The following SOX18 variants were observed in gnomAD, a reference collection of about 807,000 sequenced individuals.
The protein encoded by SOX18 is transcription factor SOX-18.
In SOX18, 2 loss-of-function variants were observed where a neutral mutation model predicts 9.1. The observed-to-expected ratio is 0.22, with a 90% CI of 0.09 to 0.69. The LOEUF (loss-of-function observed/expected upper bound fraction) is 0.69, where lower values mean the gene tolerates loss of function less well. Ranked by LOEUF, SOX18 falls within the 30% of genes least tolerant of loss-of-function variation. The pLI, the probability that SOX18 is intolerant of heterozygous loss-of-function variation, is 0.80. For synonymous variants in SOX18, 292 were observed against 280.5 expected, an observed-to-expected ratio of 1.04 and a Z score of -0.41; for missense variants, 542 against 567.3, an observed-to-expected ratio of 0.96 and a Z score of 0.45.
rs751301709 is a variant in SOX18, at chr20:64,048,468, C to T, written c.853G>A (p.Gly285Ser). ...TACGGGCCGGGCGTGCCCAGGGTGC[C>T]GTAGTACAGGCCAGCGAGCGGCGCC... The part of the protein sequence containing the change: ...PAAPLAGLYY[G>S]TLGTPGPYPG... Residue 285 changes from glycine to serine, a missense_variant, in exon 2 of 2, where the codon GGC becomes AGC. Gly to Ser is a moderately conservative substitution (Grantham distance 56). Coordinates refer to ENST00000340356, the MANE Select transcript of SOX18 (RefSeq NM_018419.3). The T allele has an allele frequency of 8.5e-5, 111 of 1,299,774 alleles. No individual in the cohort carries two copies. The highest frequency in any genetic ancestry group is 1.0e-4 in the Non-Finnish European group (108 of 1,032,096). 80.5% of individuals were successfully genotyped at this position (1,299,774 alleles called of 1,614,324 possible).
Position 64,048,085 on chromosome 20 carries a change from G to T in SOX18, c.*81C>A. ...ACCAAACATACACGCGTATGAGAGA[G>T]CAGAGCGGCAGCGACGCGGTCGGAT... On this transcript the variant is annotated 3_prime_UTR_variant, in exon 2 of 2. Coordinates refer to ENST00000340356, the MANE Select transcript of SOX18 (RefSeq NM_018419.3). 1 of 1,299,578 alleles carries T rather than the reference G, an allele frequency of 7.7e-7. No homozygotes were observed. The highest frequency in any genetic ancestry group is 1.1e-6 in the Non-Finnish European group (1 of 934,104). 80.5% of individuals were successfully genotyped at this position (1,299,578 alleles called of 1,614,324 possible). A position where few individuals can be genotyped will look rare whatever the true frequency, so the allele number is the denominator to read the frequency against.
rs772645789 is a variant in SOX18 at position 64,048,826 on chromosome 20, G to A, written c.495C>T (p.Ala165=). Residue 165 remains alanine, a synonymous_variant, in exon 2 of 2, where the codon GCC becomes GCT. Transcript: ENST00000340356. ...RPRRKKQARK[A]RRLEPGLLLP... Reference sequence around the variant, plus strand: ...GCAGGAGGCCGGGCTCCAGCCGCCGGGCCTTGCGCGCCTGCTTCTTGCGGC... The same window carrying A: ...GCAGGAGGCCGGGCTCCAGCCGCCGAGCCTTGCGCGCCTGCTTCTTGCGGC... 4.5e-6 allele frequency: 7 copies of A among 1,569,684 alleles called. No individual in the cohort carries two copies. Among genetic ancestry groups the A allele is most frequent in the Non-Finnish European group, 6.0e-6 (7 of 1,165,712 alleles).
chr20:64,048,405 G>T lies in SOX18; in HGVS notation c.916C>A (p.Leu306Met). ...GGCCCCAGCGGCTCGGCGCTCTCCAGCGGCGGGGCCTCGGGCGGCGGCGAC... is the reference window on the plus strand; with the variant it reads ...GGCCCCAGCGGCTCGGCGCTCTCCATCGGCGGGGCCTCGGGCGGCGGCGAC... Reference protein sequence around the residue: ...PLSPPPEAPPLESAEPLGPAA... With the variant: ...PLSPPPEAPPMESAEPLGPAA... The change falls in exon 2 of 2, where the codon CTG (leucine) becomes ATG (methionine). Residue 306 changes from leucine (L) to methionine (M), a missense_variant. Physicochemically the swap from Leu to Met is conservative, Grantham distance 15. Coordinates refer to ENST00000340356, the MANE Select transcript of SOX18 (RefSeq NM_018419.3). The T allele has an allele frequency of 2.6e-6, 4 of 1,511,852 alleles. No individual in the cohort carries two copies. The highest frequency in any genetic ancestry group is 3.5e-6 in the Non-Finnish European group (4 of 1,134,480). The allele number at this position is 1,511,852 out of a possible 1,614,324, so 93.7% of individuals were successfully genotyped here.
rs952352184 is a variant in SOX18, at chr20:64,048,463, G to A, written c.858C>T (p.Thr286=). ...CGGGGTACGGGCCGGGCGTGCCCAG[G>A]GTGCCGTAGTACAGGCCAGCGAGCG... ...AAPLAGLYYG[T]LGTPGPYPGP... is the part of the protein sequence containing the mutation. Residue 286 remains threonine, a synonymous_variant, in exon 2 of 2, where the codon ACC becomes ACT. Transcript: ENST00000340356. 3.6e-5 allele frequency: 48 copies of A among 1,327,538 alleles called. No individual in the cohort carries two copies. The Admixed American group carries it at 3.7e-4, about 10-fold the overall frequency. The allele number at this position is 1,327,538 out of a possible 1,614,324, so 82.2% of individuals were successfully genotyped here. A position where few individuals can be genotyped will look rare whatever the true frequency, so the allele number is the denominator to read the frequency against.
rs938016275 is a variant in SOX18, at chr20:64,048,149, C to G, written c.*17G>C. ...TGCGGGAGGAAGCGCTGCAGGGACC[C>G]GGGCGGCGCCGGCGGCCTAGCCGGA... On this transcript the variant is annotated 3_prime_UTR_variant, in exon 2 of 2. Coordinates refer to ENST00000340356, the MANE Select transcript of SOX18 (RefSeq NM_018419.3). 5 of 1,536,582 alleles carry G rather than the reference C, an allele frequency of 3.3e-6. No individual in the cohort carries two copies. Among genetic ancestry groups the G allele is most frequent in the Non-Finnish European group, 3.5e-6 (4 of 1,146,410 alleles).
intron 1 of SOX18, 64 bp from the exon 2 acceptor site, chr20:64,049,026 C>A: frequency 6.7e-7 from 1 of 1,482,702 alleles, no homozygotes; most frequent in Non-Finnish European, 8.9e-7. Flanking sequence ...GCCCTCCGTG[C>A]GCCCGGGACG....
Position 64,047,858 on chromosome 20 carries a change from T to TAGATC in SOX18, c.*307_*308insGATCT. ...ACACTGCAAGAAAAGGAGCAGGTGC[T>TAGATC]TCAAAAATGTAACCCTGGCAACTCT... On this transcript the variant is annotated 3_prime_UTR_variant, in exon 2 of 2. Coordinates refer to ENST00000340356, the MANE Select transcript of SOX18 (RefSeq NM_018419.3). 1 of 474,274 alleles carries TAGATC rather than the reference T, an allele frequency of 2.1e-6. No homozygotes were observed. Among genetic ancestry groups the TAGATC allele is most frequent in the Non-Finnish European group, 3.8e-6 (1 of 266,274 alleles). The allele number at this position is 474,274 out of a possible 1,614,324, so 29.4% of individuals were successfully genotyped here. A position where few individuals can be genotyped will look rare whatever the true frequency, so the allele number is the denominator to read the frequency against.
rs1433122828 is a variant in SOX18, at chr20:64,048,116, G to A, written c.*50C>T. 8.0e-6 allele frequency: 12 copies of A among 1,496,878 alleles called. No individual in the cohort carries two copies. Among genetic ancestry groups the A allele is most frequent in the Non-Finnish European group, 1.1e-5 (12 of 1,113,066 alleles). 92.7% of individuals were successfully genotyped at this position (1,496,878 alleles called of 1,614,324 possible). On this transcript the variant is annotated 3_prime_UTR_variant, in exon 2 of 2. Coordinates refer to ENST00000340356, the MANE Select transcript of SOX18 (RefSeq NM_018419.3). Reference sequence around the variant, plus strand: ...CGGCAGCGACGCGGTCGGATCGGTCGCGGGGGCTGCGGGAGGAAGCGCTGC... The same window carrying A: ...CGGCAGCGACGCGGTCGGATCGGTCACGGGGGCTGCGGGAGGAAGCGCTGC...
chr20:64,048,733 G>A lies in SOX18; in HGVS notation c.588C>T (p.Ala196=). Residue 196 remains alanine, a synonymous_variant, in exon 2 of 2, where the codon GCC becomes GCT. Transcript: ENST00000340356. ...PFPAASGSAR[A]FRELPPLGAE... ...CGCCCAGCGGGGGCAGCTCGCGGAA[G>A]GCGCGAGCCGAGCCAGACGCCGCGG... The A allele has an allele frequency of 7.2e-7, 1 of 1,397,670 alleles. No homozygotes were observed. Among genetic ancestry groups the A allele is most frequent in the Non-Finnish European group, 9.2e-7 (1 of 1,084,214 alleles). 86.6% of individuals were successfully genotyped at this position (1,397,670 alleles called of 1,614,324 possible).
chr20:64,049,629 G>T lies in SOX18; in HGVS notation c.-113C>A. On this transcript the variant is annotated 5_prime_UTR_variant, in exon 1 of 2. Coordinates refer to ENST00000340356, the MANE Select transcript of SOX18 (RefSeq NM_018419.3). Reference sequence around the variant, plus strand: ...CAGGCCGGGAGGGCGGATGGCGGTGGGGACGGCGGTGGCCTCGGGCCGGGC... The same window carrying T: ...CAGGCCGGGAGGGCGGATGGCGGTGTGGACGGCGGTGGCCTCGGGCCGGGC... 1 of 660,800 alleles carries T rather than the reference G, an allele frequency of 1.5e-6. No individual in the cohort carries two copies. Among genetic ancestry groups the T allele is most frequent in the Non-Finnish European group, 1.9e-6 (1 of 531,636 alleles). The allele number at this position is 660,800 out of a possible 1,614,324, so 40.9% of individuals were successfully genotyped here.
At position 64,048,782 on chromosome 20, in the gene SOX18, G is replaced by T. The variant is rs1334332336; in HGVS notation, c.539C>A (p.Pro180Gln). The change falls in exon 2 of 2, where the codon CCG becomes CAG. Residue 180 changes from proline to glutamine, a missense_variant. Pro to Gln is a moderately conservative substitution (Grantham distance 76, BLOSUM62 -1). Coordinates refer to ENST00000340356, the MANE Select transcript of SOX18 (RefSeq NM_018419.3). Reference protein sequence around the residue: ...PGLLLPGLAPPQPPPEPFPAA... With the variant: ...PGLLLPGLAPQQPPPEPFPAA... ...GGGGAAAGGCTCGGGCGGTGGCTGCGGGGGCGCTAATCCCGGGAGCAGGAG... is the reference window on the plus strand; with the variant it reads ...GGGGAAAGGCTCGGGCGGTGGCTGCTGGGGCGCTAATCCCGGGAGCAGGAG... 3 of 1,508,524 alleles carry T rather than the reference G, an allele frequency of 2.0e-6. No individual in the cohort carries two copies. Among genetic ancestry groups the T allele is most frequent in the Non-Finnish European group, 2.6e-6 (3 of 1,134,846 alleles). 93.4% of individuals were successfully genotyped at this position (1,508,524 alleles called of 1,614,324 possible). A position where few individuals can be genotyped will look rare whatever the true frequency, so the allele number is the denominator to read the frequency against.
intron 1 of SOX18, 90 bp from the exon 2 acceptor site, chr20:64,049,052 G>A: frequency 1.4e-6 from 2 of 1,429,356 alleles, no homozygotes; most frequent in East Asian, 3.0e-5. Context: ...CGAGGGTTTG[G>A]CGCAGCCCCC....
chr20:64,048,398 C>CCTG lies in SOX18; in HGVS notation c.922_923insCAG (p.Ser308delinsThrGly), dbSNP rs1178382422. On this transcript the variant is annotated protein_altering_variant, in exon 2 of 2. Transcript: ENST00000340356. The stretch of plus-strand genomic sequence containing the variant: ...GGCGGCGGGCCCCAGCGGCTCGGCG[C>CCTG]TCTCCAGCGGCGGGGCCTCGGGCGG... The CCTG allele has an allele frequency of 6.5e-7, 1 of 1,536,312 alleles. No individual in the cohort carries two copies. Among genetic ancestry groups the CCTG allele is most frequent in the Admixed American group, 2.0e-5 (1 of 50,608 alleles).
rs1239973451 is a variant in SOX18, at chr20:64,049,278, G to A, written c.239C>T (p.Ala80Val). 2 of 1,506,494 alleles carry A rather than the reference G, an allele frequency of 1.3e-6. No individual in the cohort carries two copies. Among genetic ancestry groups the A allele is most frequent in the South Asian group, 1.2e-5 (1 of 85,630 alleles). 93.3% of individuals were successfully genotyped at this position (1,506,494 alleles called of 1,614,324 possible). ...SPAGRGERQA[A>V]DESRIRRPMN... ...GGGCCGCCGGATGCGCGACTCGTCT[G>A]CCGCCTGGCGTTCCCCGCGGCCGGC... Residue 80 changes from alanine to valine, a missense_variant, in exon 1 of 2, where the codon GCA becomes GTA. By Grantham distance (64) the Ala-to-Val change is moderately conservative. Coordinates refer to ENST00000340356, the MANE Select transcript of SOX18 (RefSeq NM_018419.3).
intron 1 of SOX18, 47 bp downstream of exon 1, chr20:64,049,111 AG>A: frequency 2.5e-6 from 1 of 394,378 alleles, no homozygotes; most frequent in East Asian, 1.2e-4. Context: ...CCCCGGCCCG[AG>A]CCCCCCCCGC....
intron 1 of SOX18, 41 bp downstream of exon 1, chr20:64,049,118 C>A (rs771603295): frequency 8.6e-7 from 1 of 1,159,134 alleles, no homozygotes; most frequent in Non-Finnish European, 1.1e-6. Flanking sequence ...CCGAGCCCCC[C>A]CCGCCCTCTC....
Position 64,047,917 on chromosome 20 carries a change from A to C in SOX18, c.*249T>G. On this transcript the variant is annotated 3_prime_UTR_variant, in exon 2 of 2. Coordinates refer to ENST00000340356, the MANE Select transcript of SOX18 (RefSeq NM_018419.3). ...GTCCTGGGCTCGGGCTTCCTGGAAA[A>C]GCCCCGGGACACGTGGGAACTCCAG... The C allele has an allele frequency of 1.8e-6, 1 of 565,368 alleles. No individual in the cohort carries two copies. The highest frequency in any genetic ancestry group is 2.2e-5 in the South Asian group (1 of 46,304). 35.0% of individuals were successfully genotyped at this position (565,368 alleles called of 1,614,324 possible). A position where few individuals can be genotyped will look rare whatever the true frequency, so the allele number is the denominator to read the frequency against.
At chr20:64,049,086 G>GCC (rs767453145) in intron 1 of SOX18, 73 bp downstream of exon 1, 89,295 of 828,098 alleles carry the variant, frequency 0.11, 4,633 homozygotes, top group South Asian at 0.22. Context: ...CGGGACCCCT[G>GCC]CCCCCCCCGC....
Position 64,047,979 on chromosome 20 carries a change from A to C in SOX18, c.*187T>G. ...GGGGCCCCCCGAGGGCAGGTGGCCC[A>C]GAAGCCCAGGAAGGGTGGCCTGGGA... On this transcript the variant is annotated 3_prime_UTR_variant, in exon 2 of 2. Transcript: ENST00000340356. 3.0e-6 allele frequency: 2 copies of C among 668,232 alleles called. No individual in the cohort carries two copies. Among genetic ancestry groups the C allele is most frequent in the Non-Finnish European group, 5.1e-6 (2 of 395,760 alleles). 41.4% of individuals were successfully genotyped at this position (668,232 alleles called of 1,614,324 possible). A position where few individuals can be genotyped will look rare whatever the true frequency, so the allele number is the denominator to read the frequency against.
Sources: gnomAD v4.1 joint callset for allele counts on GRCh38, gnomAD v4.1.1 for gene constraint, MANE v1.5 for transcripts, NCBI Gene and HGNC (gene_info 2026-07-23, HGNC 2026-07-21) for gene names.